The following ST8SIA2 variants were observed in gnomAD, a reference collection of about 807,000 sequenced individuals.
ST8SIA2 encodes alpha-2,8-sialyltransferase 8B.
Under a neutral mutation model 37.6 loss-of-function variants are expected in ST8SIA2, and 22 were observed. The ratio of observed to expected loss-of-function variants is 0.58; its 90% confidence interval spans 0.42 to 0.83. The LOEUF (loss-of-function observed/expected upper bound fraction) is 0.83. Ranked by LOEUF, ST8SIA2 falls within the 40% of genes least tolerant of loss-of-function variation. The pLI, the probability that ST8SIA2 is intolerant of heterozygous loss-of-function variation, is 0.00. For synonymous variants in ST8SIA2, 205 were observed against 201.2 expected (o/e 1.02, Z -0.16); for missense variants, 382 against 484.7 (o/e 0.79, Z 1.99).
At chr15:92,417,827 T>C (rs2049599190) in intron 1 of ST8SIA2, 1 of 152,224 alleles carries the variant, frequency 6.6e-6, no homozygotes, top group African/African-American at 2.4e-5. Flanking sequence ...TACATCGCTT[T>C]GAGTGTCTGG....
rs190129057 is a variant in ST8SIA2, at chr15:92,446,769, T to G, written c.842+1840T>G. Among the ~76,000 whole-genome samples the G allele has an allele frequency of 5.3e-5, 8 of 152,276 alleles. 1 individual carries two copies. Among genetic ancestry groups the G allele is most frequent in the African/African-American group, 1.9e-4 (8 of 41,548 alleles). The stretch of plus-strand genomic sequence containing the variant: ...AAACAGCACCAGCCATGTGCAGATC[T>G]GGGGTAGGAACCTTCCAGGTGGAGG... On this transcript the variant is annotated intron_variant, in intron 5 of 5. Transcript: ENST00000268164.
intron 2 of ST8SIA2, among the ~76,000 whole-genome samples, chr15:92,433,740 G>C (rs78509888): frequency 0.026 from 3,983 of 152,314 alleles, 189 homozygotes; most frequent in African/African-American, 0.088. Flanking sequence ...CAAGGTCCAT[G>C]TTTCAAGGAG....
At position 92,444,785 on chromosome 15, in the gene ST8SIA2, T is replaced by C; in HGVS notation, c.698T>C (p.Leu233Pro). The change falls in exon 5 of 6, where the codon CTC (leucine) becomes CCC (proline). Residue 233 changes from leucine (L) to proline (P), a missense_variant. Physicochemically the swap from Leu to Pro is moderately conservative, Grantham distance 98. Coordinates refer to ENST00000268164, the MANE Select transcript of ST8SIA2 (RefSeq NM_006011.4). Reference protein sequence around the residue: ...REKLLQRLHSLNGSILWIPAF... With the variant: ...REKLLQRLHSPNGSILWIPAF... ...AAGCTGCTGCAACGGCTGCACAGCC[T>C]CAATGGCAGCATCCTGTGGATCCCT... 6.2e-7 allele frequency: 1 copy of C among 1,614,082 alleles called. No individual in the cohort carries two copies. Among genetic ancestry groups the C allele is most frequent in the Non-Finnish European group, 8.5e-7 (1 of 1,180,024 alleles).
chr15:92,404,555 C>T (rs544323399), intron 1 of ST8SIA2, among the ~76,000 whole-genome samples: 2 of 151,776 alleles, frequency 1.3e-5, no homozygotes, highest in Non-Finnish European at 2.9e-5. Context: ...GGTGTGGTGG[C>T]TCACACCTGT....
chr15:92,408,397 G>A (rs970960149), intron 1 of ST8SIA2, among the ~76,000 whole-genome samples: 8 of 152,178 alleles, frequency 5.3e-5, no homozygotes, highest in Non-Finnish European at 7.3e-5. Context: ...CTCCTTGAAG[G>A]CTAGGACCGT....
At chr15:92,419,152 C>A (rs754158422) in intron 1 of ST8SIA2, among the ~76,000 whole-genome samples, 84 of 152,182 alleles carry the variant, frequency 5.5e-4, no homozygotes, top group Non-Finnish European at 1.2e-3. Context: ...CCTCATCCAA[C>A]ACCGATGCGG....
chr15:92,403,037 G>A (rs1021496339), intron 1 of ST8SIA2, among the ~76,000 whole-genome samples: 1 of 152,090 alleles, frequency 6.6e-6, no homozygotes, highest in Non-Finnish European at 1.5e-5. Context: ...GGAGCCCTTC[G>A]GGGAGGGGCC....
rs116154436 is a variant in ST8SIA2 at position 92,396,363 on chromosome 15, G to A, written c.98+2201G>A. 4.0e-3 allele frequency among the ~76,000 whole-genome samples: 611 copies of A among 152,144 alleles called. 6 individuals are homozygous for A. Among genetic ancestry groups the A allele is most frequent in the African/African-American group, 0.014 (580 of 41,502 alleles). Reference sequence around the variant, plus strand: ...TCCAGAGGAATGGAGGCATATTTTGGGATTCACCATGGCTGGAGGAGTAAA... The same window carrying A: ...TCCAGAGGAATGGAGGCATATTTTGAGATTCACCATGGCTGGAGGAGTAAA... On this transcript the variant is annotated intron_variant, in intron 1 of 5. Transcript: ENST00000268164.
At chr15:92,436,321 C>T (rs138328264) in intron 3 of ST8SIA2, among the ~76,000 whole-genome samples, 29 of 152,168 alleles carry the variant, frequency 1.9e-4, no homozygotes, top group South Asian at 6.3e-4. Context: ...CTTTCTCCAA[C>T]CATTGGATAG....
rs543699174 is a variant in ST8SIA2, at chr15:92,452,829, T to C, written c.842+7900T>C. Among the ~76,000 whole-genome samples, 3 of 152,258 alleles carry C rather than the reference T, an allele frequency of 2.0e-5. No individual in the cohort carries two copies. The South Asian group carries it at 6.2e-4, about 32-fold the overall frequency. Reference sequence around the variant, plus strand: ...GATATTATTTTCCTCTCCTTTCTACTCATAAGGAAATTAAGGCTCAGAAAT... The same window carrying C: ...GATATTATTTTCCTCTCCTTTCTACCCATAAGGAAATTAAGGCTCAGAAAT... On this transcript the variant is annotated intron_variant, in intron 5 of 5. Transcript: ENST00000268164.
intron 1 of ST8SIA2, among the ~76,000 whole-genome samples, chr15:92,398,467 G>A (rs547451215): frequency 6.6e-6 from 1 of 152,348 alleles, no homozygotes; most frequent in South Asian, 2.1e-4. Flanking sequence ...GATGATCACG[G>A]TTAGCATTTA....
intron 2 of ST8SIA2, among the ~76,000 whole-genome samples, chr15:92,432,304 G>C (rs910599183): frequency 2.0e-5 from 3 of 152,184 alleles, no homozygotes. Flanking sequence ...TGTCGCTGAG[G>C]TCAGTGCCCC....
chr15:92,446,208 G>A lies in ST8SIA2; in HGVS notation c.842+1279G>A, dbSNP rs114280207. The stretch of plus-strand genomic sequence containing the variant: ...CTGAAGCAGCTGGGGTTGACCATGC[G>A]TCTCTCTCTCTTTATGTTATATTAG... On this transcript the variant is annotated intron_variant, in intron 5 of 5. Coordinates refer to ENST00000268164, the MANE Select transcript of ST8SIA2 (RefSeq NM_006011.4). Among the ~76,000 whole-genome samples, 372 of 152,246 alleles carry A rather than the reference G, an allele frequency of 2.4e-3. 1 individual carries two copies. Among genetic ancestry groups the A allele is most frequent in the African/African-American group, 8.5e-3 (354 of 41,542 alleles).
At chr15:92,405,285 T>C (rs1174820376) in intron 1 of ST8SIA2, among the ~76,000 whole-genome samples, 1 of 152,142 alleles carries the variant, frequency 6.6e-6, no homozygotes, top group Non-Finnish European at 1.5e-5. Context: ...GTCAAATTGA[T>C]GGAGACAGAA....
At chr15:92,443,541 A>G (rs999794122) in intron 4 of ST8SIA2, among the ~76,000 whole-genome samples, 1 of 152,072 alleles carries the variant, frequency 6.6e-6, no homozygotes, top group Non-Finnish European at 1.5e-5. Flanking sequence ...GTGGCCAAAA[A>G]TTCTAAACCG....
At chr15:92,438,219 T>C in intron 3 of ST8SIA2, 134 bp from the exon 4 acceptor site, 1 of 1,340,852 alleles carries the variant, frequency 7.5e-7, no homozygotes, top group South Asian at 1.2e-5. Context: ...CGAGGGCATC[T>C]GAACTCTCAT....
chr15:92,407,221 G>A (rs193213035), intron 1 of ST8SIA2, among the ~76,000 whole-genome samples: 2 of 152,242 alleles, frequency 1.3e-5, no homozygotes, highest in East Asian at 3.9e-4. Flanking sequence ...ACTGTGTGGC[G>A]ATCTAGCTGG....
chr15:92,458,142 A>G (rs2049932539), intron 5 of ST8SIA2, among the ~76,000 whole-genome samples: 1 of 152,222 alleles, frequency 6.6e-6, no homozygotes, highest in Non-Finnish European at 1.5e-5. Flanking sequence ...TTAGCACAAC[A>G]GAAGTTTATT....
In ST8SIA2 at chr15:92,394,007, C is replaced by T; in HGVS notation, c.-58C>T. The stretch of plus-strand genomic sequence containing the variant: ...GAGGCTCCGGCGTCCGCCGCTGCGC[C>T]CTCCGGCCCCTGCTCCTCGCGCCGG... On this transcript the variant is annotated 5_prime_UTR_variant, in exon 1 of 6. Coordinates refer to ENST00000268164, the MANE Select transcript of ST8SIA2 (RefSeq NM_006011.4). 2 of 1,376,102 alleles carry T rather than the reference C, an allele frequency of 1.5e-6. No homozygotes were observed. Among genetic ancestry groups the T allele is most frequent in the South Asian group, 1.3e-5 (1 of 75,098 alleles). The allele number at this position is 1,376,102 out of a possible 1,614,324, so 85.2% of individuals were successfully genotyped here. A position where few individuals can be genotyped will look rare whatever the true frequency, so the allele number is the denominator to read the frequency against.
Sources: allele counts gnomAD v4.1 joint callset (sites outside exome capture counted in the v4.1 genomes callset), GRCh38; gene constraint gnomAD v4.1.1; transcripts MANE v1.5; gene names NCBI Gene and HGNC (gene_info 2026-07-23, HGNC 2026-07-21).